ELMOD1: variants seen among roughly 807,000 people sequenced by gnomAD.
ELMOD1 encodes ELMO domain containing 1.
Under a neutral mutation model 46.7 loss-of-function variants are expected in ELMOD1, and 21 were observed. The observed-to-expected ratio is 0.45, with a 90% CI of 0.32 to 0.65. The LOEUF is 0.65. Among genes scored for constraint, ELMOD1 ranks in the 30% least tolerant of loss-of-function variants. ELMOD1 has a pLI of 0.04. For missense variants in ELMOD1, 348 were observed against 407.8 expected (o/e 0.85, Z 1.26); for synonymous variants, 122 against 138.2 (o/e 0.88, Z 0.82).
At chr11:107,664,209 C>T (rs1480648732) in intron 11 of ELMOD1, among the ~76,000 whole-genome samples, 1 of 150,652 alleles carries the variant, frequency 6.6e-6, no homozygotes, top group East Asian at 1.9e-4. Context: ...CACATAGAGA[C>T]ACCTGAGCTT....
intron 6 of ELMOD1, among the ~76,000 whole-genome samples, chr11:107,640,084 A>AC (rs773386348): frequency 6.6e-6 from 1 of 151,874 alleles, no homozygotes; most frequent in Non-Finnish European, 1.5e-5. Context: ...GCTCACCACA[A>AC]CCTCCACCTC....
In ELMOD1 at chr11:107,644,619, C is replaced by T. The variant is rs1866386727; in HGVS notation, c.421-2849C>T. On this transcript the variant is annotated intron_variant, in intron 6 of 11. Transcript: ENST00000265840. Reference sequence around the variant, plus strand: ...CCTCCCGAGTAGCTGGGACTACAGGCGCCTGCCACCACGCCCGGCTTATTT... The same window carrying T: ...CCTCCCGAGTAGCTGGGACTACAGGTGCCTGCCACCACGCCCGGCTTATTT... 2.6e-5 allele frequency among the ~76,000 whole-genome samples: 4 copies of T among 151,842 alleles called. No homozygotes were observed. In the South Asian group the frequency reaches 8.3e-4, roughly 31 times the overall value.
At chr11:107,650,494 G>A in intron 8 of ELMOD1, 91 bp downstream of exon 8, 1 of 960,676 alleles carries the variant, frequency 1.0e-6, no homozygotes, top group Non-Finnish European at 1.6e-6. Flanking sequence ...GAGATTCTCA[G>A]GAGAGTGAGG....
chr11:107,637,652 C>T (rs1866251906), intron 6 of ELMOD1, among the ~76,000 whole-genome samples: 2 of 151,838 alleles, frequency 1.3e-5, no homozygotes, highest in South Asian at 4.2e-4. Context: ...TAGATCGCAC[C>T]ACTGCACTCC....
At chr11:107,627,683 T>G (rs1027851267) in intron 2 of ELMOD1, among the ~76,000 whole-genome samples, 1 of 152,184 alleles carries the variant, frequency 6.6e-6, no homozygotes, top group African/African-American at 2.4e-5. Context: ...TGTGTAGACC[T>G]GATACAGAGG....
At chr11:107,639,720 T>C (rs759686207) in intron 6 of ELMOD1, among the ~76,000 whole-genome samples, 6 of 152,260 alleles carry the variant, frequency 3.9e-5, no homozygotes, top group Non-Finnish European at 8.8e-5. Flanking sequence ...TGACTCAGAG[T>C]GCAGTCTCCA....
At chr11:107,625,319 C>A in intron 2 of ELMOD1, 1 of 810,290 alleles carries the variant, frequency 1.2e-6, no homozygotes, top group South Asian at 5.7e-5. Flanking sequence ...ATTTGGGAAA[C>A]TGTGGTTTGA....
At chr11:107,633,013 A>T (rs1353396898) in intron 5 of ELMOD1, among the ~76,000 whole-genome samples, 1 of 152,220 alleles carries the variant, frequency 6.6e-6, no homozygotes. Flanking sequence ...ATCTATTATT[A>T]AAAATGTTGT....
intron 2 of ELMOD1, among the ~76,000 whole-genome samples, chr11:107,627,576 T>C (rs1227880036): frequency 6.6e-6 from 1 of 152,216 alleles, no homozygotes; most frequent in African/African-American, 2.4e-5. Context: ...TATACAAGGA[T>C]GCCAGTGGGA....
intron 1 of ELMOD1, among the ~76,000 whole-genome samples, chr11:107,602,130 G>A (rs1003862509): frequency 6.6e-6 from 1 of 152,328 alleles, no homozygotes; most frequent in Admixed American, 6.5e-5. Context: ...TTGGCTAAGT[G>A]TAGAAATGTA....
At chr11:107,639,518 A>G (rs987863883) in intron 6 of ELMOD1, among the ~76,000 whole-genome samples, 14 of 152,172 alleles carry the variant, frequency 9.2e-5, no homozygotes, top group African/African-American at 3.4e-4. Context: ...GGAAAGAGAC[A>G]ATCCCATGAT....
intron 11 of ELMOD1, among the ~76,000 whole-genome samples, chr11:107,657,944 T>C (rs573754159): frequency 1.3e-5 from 2 of 152,178 alleles, no homozygotes; most frequent in Non-Finnish European, 1.5e-5. Flanking sequence ...CATTGGCATA[T>C]ATAGAAGACA....
chr11:107,616,369 A>G (rs1865863179), intron 1 of ELMOD1, among the ~76,000 whole-genome samples: 1 of 151,036 alleles, frequency 6.6e-6, no homozygotes, highest in Admixed American at 6.6e-5. Flanking sequence ...TATTTAAGGG[A>G]TAGGGAGGTT....
chr11:107,591,440 G>A (rs754407881), intron 1 of ELMOD1, 31 bp downstream of exon 1: 1 of 167,068 alleles, frequency 6.0e-6, no homozygotes, highest in Non-Finnish European at 1.3e-5. Context: ...AGCCTAGGGA[G>A]TAGGGGCGAA....
intron 6 of ELMOD1, among the ~76,000 whole-genome samples, chr11:107,639,584 C>T (rs914995461): frequency 3.3e-5 from 5 of 152,088 alleles, no homozygotes; most frequent in African/African-American, 7.2e-5. Context: ...GCAGATGAAT[C>T]GCCTTCCCTT....
At chr11:107,652,873 G>A (rs1421666947) in intron 9 of ELMOD1, among the ~76,000 whole-genome samples, 1 of 152,158 alleles carries the variant, frequency 6.6e-6, no homozygotes, top group East Asian at 1.9e-4. Flanking sequence ...TTATATGCAT[G>A]TCTTGTAATA....
chr11:107,610,447 T>G (rs1042111828), intron 1 of ELMOD1, among the ~76,000 whole-genome samples: 9 of 152,032 alleles, frequency 5.9e-5, no homozygotes, highest in Non-Finnish European at 1.3e-4. Flanking sequence ...GCAGATCACT[T>G]GAGGCCGGGA....
chr11:107,645,390 C>T (rs1283853624), intron 6 of ELMOD1, among the ~76,000 whole-genome samples: 1 of 152,050 alleles, frequency 6.6e-6, no homozygotes, highest in African/African-American at 2.4e-5. Context: ...GTAGTGCTAT[C>T]TCGACTCACT....
chr11:107,647,656 C>G, intron 7 of ELMOD1, 55 bp downstream of exon 7: 1 of 1,551,122 alleles, frequency 6.4e-7, no homozygotes, highest in Non-Finnish European at 8.7e-7. Context: ...TCTCCTCATA[C>G]TGAAATGGCA....
Sources: gnomAD v4.1 joint callset for allele counts (sites outside exome capture counted in the v4.1 genomes callset) on GRCh38, gnomAD v4.1.1 for gene constraint, MANE v1.5 for transcripts, NCBI Gene and HGNC (gene_info 2026-07-23, HGNC 2026-07-21) for gene names.